TENM3: variants seen among roughly 807,000 people sequenced by gnomAD.
TENM3 encodes teneurin-3.
A neutral mutation model predicts 255.1 loss-of-function variants in TENM3; 63 were observed. The ratio of observed to expected loss-of-function variants is 0.25; its 90% CI spans 0.20 to 0.30. The LOEUF (loss-of-function observed/expected upper bound fraction) is 0.30. TENM3 is among the 10% of genes least tolerant of loss of function. TENM3 has a pLI of 1.00. For missense variants in TENM3, 2,929 were observed against 3,461.1 expected, an observed-to-expected ratio of 0.85 and a Z score of 3.86; for synonymous variants, 1,306 against 1,322.3, an observed-to-expected ratio of 0.99 and a Z score of 0.27.
intron 3 of TENM3, among the ~76,000 whole-genome samples, chr4:182,370,281 G>A (rs1027642871): frequency 1.3e-5 from 2 of 152,150 alleles, no homozygotes; most frequent in African/African-American, 4.8e-5. Flanking sequence ...CCAAGTTTCC[G>A]TTGGGTCTTG....
the TENM3 span, among the ~76,000 whole-genome samples, chr4:181,802,587 T>G: frequency 6.6e-6 from 1 of 152,220 alleles, no homozygotes; most frequent in Non-Finnish European, 1.5e-5. Context: ...AAAAATATAT[T>G]AACCTTTGAT....
At chr4:182,038,223 T>G in the TENM3 span, among the ~76,000 whole-genome samples, 2 of 151,152 alleles carry the variant, frequency 1.3e-5, no homozygotes, top group Non-Finnish European at 2.9e-5. Context: ...TGGCAAAGAT[T>G]CATTGATAAC....
chr4:181,474,078 A>G, the TENM3 span, among the ~76,000 whole-genome samples: 1 of 151,974 alleles, frequency 6.6e-6, no homozygotes, highest in Non-Finnish European at 1.5e-5. Context: ...ACCAAACACC[A>G]CATGTTTTCA....
chr4:182,497,925 G>GTTA (rs1438980202), intron 3 of TENM3, among the ~76,000 whole-genome samples: 1 of 148,096 alleles, frequency 6.8e-6, no homozygotes, highest in Admixed American at 6.7e-5. Flanking sequence ...ATTTCACAAA[G>GTTA]CCTTGTACAT....
At chr4:181,665,052 A>T in the TENM3 span, among the ~76,000 whole-genome samples, 2 of 152,136 alleles carry the variant, frequency 1.3e-5, no homozygotes, top group Non-Finnish European at 2.9e-5. Context: ...TTCTAATCTC[A>T]CTAAAGGAGA....
At chr4:181,602,619 C>T in the TENM3 span, among the ~76,000 whole-genome samples, 1 of 152,132 alleles carries the variant, frequency 6.6e-6, no homozygotes, top group Non-Finnish European at 1.5e-5. Context: ...AACTATTTCA[C>T]TCAAAGTTAA....
At chr4:181,506,052 A>G in the TENM3 span, among the ~76,000 whole-genome samples, 1 of 152,202 alleles carries the variant, frequency 6.6e-6, no homozygotes, top group Non-Finnish European at 1.5e-5. Context: ...TGGGTTGATC[A>G]TATGAAGACA....
At chr4:182,726,501 A>G (rs1760196926) in intron 13 of TENM3, among the ~76,000 whole-genome samples, 2 of 152,128 alleles carry the variant, frequency 1.3e-5, no homozygotes, top group Non-Finnish European at 2.9e-5. Flanking sequence ...ACACAGCCTC[A>G]CAGAACAAGC....
the TENM3 span, among the ~76,000 whole-genome samples, chr4:181,955,695 T>G: frequency 1.3e-5 from 2 of 152,182 alleles, no homozygotes; most frequent in African/African-American, 4.8e-5. Flanking sequence ...TTAGCATGAA[T>G]TGGTTGACGA....
intron 1 of TENM3, among the ~76,000 whole-genome samples, chr4:182,275,360 C>A (rs1320228451): frequency 1.3e-5 from 2 of 152,136 alleles, no homozygotes; most frequent in South Asian, 2.1e-4. Context: ...AGTAGTGTGT[C>A]TTATTCTTCA....
At chr4:182,742,999 A>G (rs1207441523) in intron 18 of TENM3, among the ~76,000 whole-genome samples, 171 bp from the exon 19 acceptor site, 1 of 152,236 alleles carries the variant, frequency 6.6e-6, no homozygotes, top group Non-Finnish European at 1.5e-5. Flanking sequence ...ATCGTGTAAT[A>G]TTTTACACTA....
chr4:182,066,584 T>G, the TENM3 span, among the ~76,000 whole-genome samples: 1 of 50,602 alleles, frequency 2.0e-5, no homozygotes, highest in African/African-American at 5.4e-5. Flanking sequence ...AAAGTAAGAA[T>G]TATGGTAAAA....
At position 182,399,299 on chromosome 4, in the gene TENM3, TC is replaced by T; in HGVS notation, c.511+52371del. Among the ~76,000 whole-genome samples the T allele has an allele frequency of 4.0e-5, 6 of 151,842 alleles. No individual in the cohort carries two copies. In the South Asian group the frequency reaches 1.2e-3, roughly 32 times the overall value. ...AATACTTAAGTGGTACTTTTTTTTT[TC>T]ATCTTTAAAATATCCTAGACTTTGT... On this transcript the variant is annotated intron_variant, in intron 3 of 27. Coordinates refer to ENST00000511685, the MANE Select transcript of TENM3 (RefSeq NM_001080477.4).
chr4:182,037,428 G>A, the TENM3 span, among the ~76,000 whole-genome samples: 7 of 152,164 alleles, frequency 4.6e-5, no homozygotes, highest in African/African-American at 1.2e-4. Context: ...GATTACAGGC[G>A]TGAGCCACCA....
At chr4:182,497,046 C>T (rs938489903) in intron 3 of TENM3, among the ~76,000 whole-genome samples, 2 of 151,606 alleles carry the variant, frequency 1.3e-5, no homozygotes, top group African/African-American at 4.8e-5. Flanking sequence ...TACTGGGAGC[C>T]ATCCACTTAC....
At chr4:181,467,060 AGTGTGT>A in the TENM3 span, among the ~76,000 whole-genome samples, 5,623 of 87,550 alleles carry the variant, frequency 0.064, 344 homozygotes, top group African/African-American at 0.15. Flanking sequence ...ATATTTTACT[AGTGTGT>A]GTGTGTGTGT....
chr4:181,656,113 A>G, the TENM3 span, among the ~76,000 whole-genome samples: 35 of 152,290 alleles, frequency 2.3e-4, no homozygotes, highest in Non-Finnish European at 4.4e-4. Flanking sequence ...GCAAAGGCCC[A>G]GTCATTGTAA....
At chr4:182,566,504 G>T (rs1743805284) in intron 3 of TENM3, among the ~76,000 whole-genome samples, 2 of 152,166 alleles carry the variant, frequency 1.3e-5, no homozygotes, top group African/African-American at 4.8e-5. Flanking sequence ...CCGTAAGAAT[G>T]ATTGAATATG....
the TENM3 span, among the ~76,000 whole-genome samples, chr4:181,460,926 TTTAAG>T: frequency 1.1e-4 from 17 of 152,082 alleles, no homozygotes; most frequent in African/African-American, 4.1e-4. Flanking sequence ...ATTAAAAATT[TTTAAG>T]TTTATTTTCT....
Sources: allele counts gnomAD v4.1 joint callset (sites outside exome capture counted in the v4.1 genomes callset), GRCh38; gene constraint gnomAD v4.1.1; transcripts MANE v1.5; gene names NCBI Gene and HGNC (gene_info 2026-07-23, HGNC 2026-07-21).